Variants in ITPKB observed in about 807,000 individuals in gnomAD.
ITPKB encodes IP3 3-kinase B.
A neutral mutation model predicts 69.4 loss-of-function variants in ITPKB; 13 were observed. The ratio of observed to expected loss-of-function variants is 0.19; its 90% CI spans 0.12 to 0.30. The LOEUF is 0.30. Among genes scored for constraint, ITPKB ranks in the 10% least tolerant of loss-of-function variants. The pLI is 1.00. For missense variants in ITPKB, 1,240 were observed against 1,250.5 expected, an observed-to-expected ratio of 0.99 and a Z score of 0.13; for synonymous variants, 584 against 513.7, an observed-to-expected ratio of 1.14 and a Z score of -1.85.
chr1:226,707,844 T>C (rs1656840085), intron 2 of ITPKB: 2 of 1,250,628 alleles, frequency 1.6e-6, no homozygotes, highest in Admixed American at 3.1e-5. Context: ...AGATGAAATA[T>C]GCTATACATC....
intron 2 of ITPKB, among the ~76,000 whole-genome samples, chr1:226,671,527 A>C (rs1441451064): frequency 6.6e-6 from 1 of 152,250 alleles, no homozygotes; most frequent in Non-Finnish European, 1.5e-5. Context: ...AACACAACGA[A>C]GTCCCTATCC....
intron 5 of ITPKB, among the ~76,000 whole-genome samples, chr1:226,640,416 G>C (rs1052857447): frequency 1.2e-4 from 19 of 152,324 alleles, no homozygotes; most frequent in African/African-American, 2.2e-4. Context: ...GGCTGCCTTC[G>C]ACAGGACTGG....
intron 2 of ITPKB, among the ~76,000 whole-genome samples, chr1:226,672,506 C>T (rs765011739): frequency 2.0e-5 from 3 of 152,104 alleles, no homozygotes; most frequent in Non-Finnish European, 4.4e-5. Context: ...CAGAGCACTC[C>T]CCAAGGCAAC....
At chr1:226,654,184 G>A (rs1394887583) in intron 2 of ITPKB, among the ~76,000 whole-genome samples, 1 of 152,134 alleles carries the variant, frequency 6.6e-6, no homozygotes, top group East Asian at 1.9e-4. Context: ...ACTTGAAAGA[G>A]CTAAAATATT....
At chr1:226,695,659 C>T (rs866266213) in intron 2 of ITPKB, among the ~76,000 whole-genome samples, 2 of 152,254 alleles carry the variant, frequency 1.3e-5, no homozygotes, top group Non-Finnish European at 2.9e-5. Flanking sequence ...GGGCCTCCCC[C>T]TCCCCTACAG....
rs372520906 is a variant in ITPKB at position 226,663,834 on chromosome 1, T to A, written c.1933-15063A>T. Among the ~76,000 whole-genome samples, 5 of 152,300 alleles carry A rather than the reference T, an allele frequency of 3.3e-5. No individual in the cohort carries two copies. The East Asian group carries it at 9.6e-4, about 29-fold the overall frequency. ...CAGGCGTGAGCCACCACGTCCAGGT[T>A]AACATGTCTTTTATATTGAGGTATT... On this transcript the variant is annotated intron_variant, in intron 2 of 7. Transcript: ENST00000429204.
rs1383753507 is a variant in ITPKB at position 226,632,146 on chromosome 1, T to C, written c.*2525A>G. ...TCTTACATGACACTAAAGGCAAGCC[T>C]GGGAAAAGCAAGCAGTTGAAGAAAC... On this transcript the variant is annotated 3_prime_UTR_variant, in exon 8 of 8. Coordinates refer to ENST00000429204, the MANE Select transcript of ITPKB (RefSeq NM_002221.4). 6.6e-6 allele frequency: 1 copy of C among 152,544 alleles called. No homozygotes were observed. Among genetic ancestry groups the C allele is most frequent in the Non-Finnish European group, 1.5e-5 (1 of 68,026 alleles). The allele number at this position is 152,544 out of a possible 1,614,324, so 9.4% of individuals were successfully genotyped here.
At position 226,736,098 on chromosome 1, in the gene ITPKB, C is replaced by A; in HGVS notation, c.1361G>T (p.Gly454Val). ...EGGSPTLGLL[G>V]GSPSAQPGTG... is the part of the protein sequence containing the mutation. Reference sequence around the variant, plus strand: ...CCCCGGCTGTGCTGAGGGGCTGCCCCCAAGCAAGCCCAGCGTTGGGGACCC... The same window carrying A: ...CCCCGGCTGTGCTGAGGGGCTGCCCACAAGCAAGCCCAGCGTTGGGGACCC... The change falls in exon 2 of 8, where the codon GGG (glycine) becomes GTG (valine). Residue 454 changes from glycine (G) to valine (V), a missense_variant. Gly to Val is a moderately radical substitution (Grantham distance 109). Coordinates refer to ENST00000429204, the MANE Select transcript of ITPKB (RefSeq NM_002221.4). 1 of 1,606,948 alleles carries A rather than the reference C, an allele frequency of 6.2e-7. No homozygotes were observed. Among genetic ancestry groups the A allele is most frequent in the Non-Finnish European group, 8.5e-7 (1 of 1,176,050 alleles).
chr1:226,662,274 A>T (rs1669417115), intron 2 of ITPKB, among the ~76,000 whole-genome samples: 1 of 152,214 alleles, frequency 6.6e-6, no homozygotes. Flanking sequence ...ACATTTACAA[A>T]GCCAGGAATC....
At chr1:226,687,912 G>A (rs1656252409) in intron 2 of ITPKB, among the ~76,000 whole-genome samples, 1 of 152,210 alleles carries the variant, frequency 6.6e-6, no homozygotes, top group African/African-American at 2.4e-5. Context: ...GGTGTCTGGG[G>A]AGGAGGAAAG....
chr1:226,737,593 G>A lies in ITPKB; in HGVS notation c.-135C>T. On this transcript the variant is annotated 5_prime_UTR_variant, in exon 2 of 8. Transcript: ENST00000429204. ...CTCCGCGCGCAGATGGGGCGGCATG[G>A]CCTGGGCAGCGGGCTGGGGGCACGA... The A allele has an allele frequency of 8.5e-7, 1 of 1,176,088 alleles. No homozygotes were observed. The highest frequency in any genetic ancestry group is 1.0e-6 in the Non-Finnish European group (1 of 954,364). The allele number at this position is 1,176,088 out of a possible 1,614,324, so 72.9% of individuals were successfully genotyped here.
At chr1:226,734,517 A>T (rs576635848) in intron 2 of ITPKB, among the ~76,000 whole-genome samples, 1 of 151,948 alleles carries the variant, frequency 6.6e-6, no homozygotes, top group Non-Finnish European at 1.5e-5. Context: ...CTTTCCCCCA[A>T]TATAGCACAA....
intron 2 of ITPKB, among the ~76,000 whole-genome samples, chr1:226,704,169 T>C (rs1023551414): frequency 6.6e-6 from 1 of 152,178 alleles, no homozygotes; most frequent in Non-Finnish European, 1.5e-5. Context: ...CGTTTACCTT[T>C]ACAGTATGAA....
chr1:226,652,521 G>T (rs1669214439), intron 2 of ITPKB, among the ~76,000 whole-genome samples: 1 of 152,238 alleles, frequency 6.6e-6, no homozygotes, highest in Non-Finnish European at 1.5e-5. Context: ...TCCCTTGTGG[G>T]AGATATTCAA....
intron 2 of ITPKB, among the ~76,000 whole-genome samples, chr1:226,651,171 G>A (rs1669184442): frequency 6.6e-6 from 1 of 152,162 alleles, no homozygotes; most frequent in Non-Finnish European, 1.5e-5. Context: ...GCGGGAGTGT[G>A]GGGACAAAGG....
chr1:226,732,051 T>G (rs1332710940), intron 2 of ITPKB, among the ~76,000 whole-genome samples: 2 of 143,008 alleles, frequency 1.4e-5, no homozygotes, highest in Admixed American at 7.3e-5. Flanking sequence ...ACTATGTGTA[T>G]GAGTTCGTTT....
Position 226,738,465 on chromosome 1 carries a change from AGT to A in ITPKB, c.-206+574_-206+575del, listed in dbSNP as rs3834098. On this transcript the variant is annotated intron_variant, in intron 1 of 7. Transcript: ENST00000429204. The surrounding 1 kb of genome is among the most constrained non-coding windows in gnomAD (Gnocchi z 4.2). ...CGTCCCCTATGGGGGGGTGTCTGTG[AGT>A]GTGTGTGTATACACGCGTGTGTGTA... Among the ~76,000 whole-genome samples the A allele has an allele frequency of 1.3e-5, 2 of 152,110 alleles. No individual in the cohort carries two copies. The highest frequency in any genetic ancestry group is 2.1e-4 in the South Asian group (1 of 4,832).
chr1:226,716,412 G>A (rs1265198781), intron 2 of ITPKB, among the ~76,000 whole-genome samples: 1 of 151,462 alleles, frequency 6.6e-6, no homozygotes. Flanking sequence ...TTTTTAAAAT[G>A]TTTTTATTTT....
Position 226,737,659 on chromosome 1 carries a change from T to A in ITPKB, c.-201A>T, listed in dbSNP as rs1657841400. On this transcript the variant is annotated 5_prime_UTR_variant, in exon 2 of 8. Transcript: ENST00000429204. ...CCGCCCAAAGCTCCATAAACAACCGTGCGGCTGTGGAGATACAAGGAGAAA... is the reference window on the plus strand; with the variant it reads ...CCGCCCAAAGCTCCATAAACAACCGAGCGGCTGTGGAGATACAAGGAGAAA... The A allele has an allele frequency of 9.5e-7, 1 of 1,053,634 alleles. No individual in the cohort carries two copies. Among genetic ancestry groups the A allele is most frequent in the South Asian group, 4.7e-5 (1 of 21,480 alleles). The allele number at this position is 1,053,634 out of a possible 1,614,324, so 65.3% of individuals were successfully genotyped here. A position where few individuals can be genotyped will look rare whatever the true frequency, so the allele number is the denominator to read the frequency against.
Sources: gnomAD v4.1 joint callset for allele counts (sites outside exome capture counted in the v4.1 genomes callset) on GRCh38, gnomAD v4.1.1 for gene constraint, Gnocchi (gnomAD v3.1) non-coding constraint, MANE v1.5 for transcripts, NCBI Gene and HGNC (gene_info 2026-07-23, HGNC 2026-07-21) for gene names.